The following ZNF280D variants were observed in gnomAD, a reference collection of about 807,000 sequenced individuals.
ZNF280D encodes the protein suppressor of hairy wing homolog 4.
Under a neutral mutation model 94.7 loss-of-function variants are expected in ZNF280D, and 39 were observed. That is an observed-to-expected ratio of 0.41 (90% CI 0.32 to 0.54). ZNF280D has a LOEUF of 0.54. ZNF280D is among the 20% of genes least tolerant of loss of function. The pLI is 0.22. For missense variants in ZNF280D, 1,090 were observed against 1,149.3 expected, an observed-to-expected ratio of 0.95 and a Z score of 0.75; for synonymous variants, 398 against 377.6, an observed-to-expected ratio of 1.05 and a Z score of -0.63.
chr15:56,732,217 C>A (rs1310350934), intron 1 of ZNF280D, among the ~76,000 whole-genome samples: 1 of 152,176 alleles, frequency 6.6e-6, no homozygotes, highest in Non-Finnish European at 1.5e-5. Context: ...AGTCCTCTCC[C>A]TGAGGCTCTG....
intron 13 of ZNF280D, among the ~76,000 whole-genome samples, chr15:56,669,899 TATA>T (rs1358561873): frequency 0.037 from 294 of 7,844 alleles, 51 homozygotes; most frequent in South Asian, 0.084. Flanking sequence ...TATATATATA[TATA>T]ATATATATAT....
intron 6 of ZNF280D, among the ~76,000 whole-genome samples, chr15:56,694,289 A>G (rs1007405394): frequency 3.6e-4 from 36 of 100,520 alleles, no homozygotes; most frequent in Admixed American, 7.5e-4. Context: ...AAATATAATG[A>G]CACATACACA....
At chr15:56,696,049 G>C (rs1344895797) in intron 6 of ZNF280D, among the ~76,000 whole-genome samples, 3 of 151,946 alleles carry the variant, frequency 2.0e-5, no homozygotes, top group Non-Finnish European at 4.4e-5. Flanking sequence ...CTTTTCTATT[G>C]ACATGGGTTT....
At chr15:56,707,734 A>C (rs2057497336) in intron 1 of ZNF280D, among the ~76,000 whole-genome samples, 1 of 152,092 alleles carries the variant, frequency 6.6e-6, no homozygotes, top group South Asian at 2.1e-4. Context: ...GCTTTTTATC[A>C]ACCGAAAGGG....
At chr15:56,656,576 A>T (rs1244301434) in intron 17 of ZNF280D, among the ~76,000 whole-genome samples, 1 of 152,210 alleles carries the variant, frequency 6.6e-6, no homozygotes, top group Non-Finnish European at 1.5e-5. Flanking sequence ...AAATATTTTA[A>T]AAGTAGTACT....
At chr15:56,641,900 T>G (rs2140550076) in intron 20 of ZNF280D, among the ~76,000 whole-genome samples, 1 of 151,864 alleles carries the variant, frequency 6.6e-6, no homozygotes, top group Admixed American at 6.6e-5. Context: ...CTAAAAAAAC[T>G]GTCTAAAGTA....
chr15:56,724,915 G>A (rs2058559427), intron 1 of ZNF280D: 1 of 454,336 alleles, frequency 2.2e-6, no homozygotes, highest in East Asian at 7.0e-5. Flanking sequence ...CTATTTCCAT[G>A]TTGCATTTTG....
At chr15:56,723,539 T>G (rs2058481626) in intron 1 of ZNF280D, among the ~76,000 whole-genome samples, 1 of 152,246 alleles carries the variant, frequency 6.6e-6, no homozygotes, top group Admixed American at 6.5e-5. Flanking sequence ...GAATCTTACC[T>G]TAAATTATAA....
intron 12 of ZNF280D, 24 bp from the exon 13 acceptor site, chr15:56,676,840 T>C (rs1364263978): frequency 6.5e-7 from 1 of 1,547,332 alleles, no homozygotes; most frequent in Non-Finnish European, 8.8e-7. Flanking sequence ...GAAGGCTTAG[T>C]TTAACTTGAA....
intron 1 of ZNF280D, among the ~76,000 whole-genome samples, chr15:56,716,801 TAACAA>T (rs1596648418): frequency 6.6e-6 from 1 of 152,290 alleles, no homozygotes; most frequent in East Asian, 1.9e-4. Context: ...CAACTATAAG[TAACAA>T]AAACCCAACT....
chr15:56,721,776 T>C (rs1298154945), intron 1 of ZNF280D, among the ~76,000 whole-genome samples: 2 of 152,020 alleles, frequency 1.3e-5, no homozygotes, highest in Non-Finnish European at 2.9e-5. Context: ...CCATTACAAC[T>C]TCCTCCATCT....
At chr15:56,643,859 C>T (rs2052748887) in intron 19 of ZNF280D, among the ~76,000 whole-genome samples, 1 of 151,650 alleles carries the variant, frequency 6.6e-6, no homozygotes, top group Admixed American at 6.6e-5. Flanking sequence ...ACATATTTAA[C>T]ATAAGCAGCA....
chr15:56,700,585 G>A (rs2057003424), intron 6 of ZNF280D: 7 of 1,140,296 alleles, frequency 6.1e-6, no homozygotes, highest in Non-Finnish European at 7.5e-6. Context: ...TCACTTGACT[G>A]TTTTCCCAAT....
intron 6 of ZNF280D, among the ~76,000 whole-genome samples, chr15:56,696,353 T>C (rs2056747410): frequency 6.6e-6 from 1 of 152,204 alleles, no homozygotes; most frequent in South Asian, 2.1e-4. Context: ...ACACGTATCA[T>C]ATCATGCAGC....
chr15:56,723,519 G>T (rs1400991726), intron 1 of ZNF280D, among the ~76,000 whole-genome samples: 6 of 152,146 alleles, frequency 3.9e-5, no homozygotes, highest in Non-Finnish European at 7.3e-5. Flanking sequence ...TTTAAATGGT[G>T]AAATTATATG....
At chr15:56,718,264 T>C (rs1297737286) in intron 1 of ZNF280D, among the ~76,000 whole-genome samples, 1 of 152,120 alleles carries the variant, frequency 6.6e-6, no homozygotes, top group African/African-American at 2.4e-5. Flanking sequence ...AGGTTGAAGC[T>C]CAACACTGAG....
intron 9 of ZNF280D, among the ~76,000 whole-genome samples, chr15:56,685,480 C>T (rs2055940068): frequency 6.6e-6 from 1 of 152,004 alleles, no homozygotes; most frequent in South Asian, 2.1e-4. Context: ...TCATAGATTG[C>T]CTCACAGTTC....
intron 19 of ZNF280D, 106 bp downstream of exon 19, chr15:56,654,091 AC>A (rs1244834904): frequency 8.6e-6 from 13 of 1,513,148 alleles, no homozygotes; most frequent in Admixed American, 2.4e-5. Flanking sequence ...AAACAAAAAA[AC>A]AACAACATAC....
intron 6 of ZNF280D, 99 bp downstream of exon 6, chr15:56,700,834 T>A: frequency 1.3e-6 from 2 of 1,599,834 alleles, no homozygotes; most frequent in Non-Finnish European, 1.7e-6. Context: ...ACTGGATGAC[T>A]ACTTATGACA....
Sources: allele counts gnomAD v4.1 joint callset (sites outside exome capture counted in the v4.1 genomes callset), GRCh38; gene constraint gnomAD v4.1.1; transcripts MANE v1.5; gene names NCBI Gene and HGNC (gene_info 2026-07-23, HGNC 2026-07-21).